Variants in VTA1 observed in about 807,000 individuals in gnomAD.
VTA1 encodes the protein vacuolar protein sorting-associated protein VTA1 homolog.
A neutral mutation model predicts 36.9 loss-of-function variants in VTA1; 24 were observed. The ratio of observed to expected loss-of-function variants is 0.65; its 90% CI spans 0.47 to 0.91. VTA1 has a LOEUF of 0.91. Among genes scored for constraint, VTA1 ranks in the 40% least tolerant of loss-of-function variants. The pLI is 0.00. For missense variants in VTA1, 393 were observed against 377.2 expected (o/e 1.04, Z -0.35); for synonymous variants, 142 against 130.2 (o/e 1.09, Z -0.62).
At chr6:142,159,579 T>C (rs1388728274) in intron 1 of VTA1, among the ~76,000 whole-genome samples, 1 of 150,378 alleles carries the variant, frequency 6.6e-6, no homozygotes, top group African/African-American at 2.4e-5. Flanking sequence ...AGTGATGCAA[T>C]CTCAGCTCAC....
chr6:142,162,286 T>C (rs573680425), intron 1 of VTA1, among the ~76,000 whole-genome samples: 117 of 152,328 alleles, frequency 7.7e-4, no homozygotes, highest in Non-Finnish European at 1.6e-3. Context: ...ATTTCTCTAC[T>C]GTCTAGGTTG....
chr6:142,184,133 C>G (rs1390818881), intron 4 of VTA1, among the ~76,000 whole-genome samples: 2 of 152,120 alleles, frequency 1.3e-5, no homozygotes, highest in African/African-American at 4.8e-5. Context: ...AAATAGTTTT[C>G]TTCGTAACTA....
intron 1 of VTA1, among the ~76,000 whole-genome samples, chr6:142,156,819 T>C (rs886084478): frequency 2.0e-5 from 3 of 152,320 alleles, no homozygotes; most frequent in African/African-American, 7.2e-5. Context: ...AAAATGTTAA[T>C]TTAGTGTAAA....
At position 142,203,994 on chromosome 6, in the gene VTA1, GTAA is replaced by G. The variant is rs1179235044; in HGVS notation, c.710_712del (p.Asn237del). 14 of 1,613,330 alleles carry G rather than the reference GTAA, an allele frequency of 8.7e-6. No homozygotes were observed. Among genetic ancestry groups the G allele is most frequent in the Non-Finnish European group, 1.1e-5 (13 of 1,179,536 alleles). ...CTTTTCTGATTTGCAGGTGTAGCAA[GTAA>G]TACTATCCAACCTACTCCACAGACT... On this transcript the variant is annotated inframe_deletion, in exon 7 of 8. Transcript: ENST00000367630.
intron 7 of VTA1, among the ~76,000 whole-genome samples, chr6:142,213,310 A>G (rs948687711): frequency 8.5e-5 from 13 of 152,172 alleles, no homozygotes; most frequent in Admixed American, 2.0e-4. Flanking sequence ...GGTCATGCCA[A>G]TGCAAGGGGT....
chr6:142,208,145 GCT>G (rs2114682836), intron 7 of VTA1, among the ~76,000 whole-genome samples: 1 of 149,452 alleles, frequency 6.7e-6, no homozygotes, highest in African/African-American at 2.5e-5. Flanking sequence ...CAGTTTGTGA[GCT>G]CTCTGACCAA....
chr6:142,196,180 G>C (rs1056706701), intron 5 of VTA1, among the ~76,000 whole-genome samples: 6 of 152,064 alleles, frequency 3.9e-5, no homozygotes, highest in Admixed American at 3.9e-4. Flanking sequence ...TGATGTTCCT[G>C]GTTACGAATT....
At chr6:142,207,846 G>A (rs1775824143) in intron 7 of VTA1, among the ~76,000 whole-genome samples, 2 of 152,094 alleles carry the variant, frequency 1.3e-5, no homozygotes, top group East Asian at 1.9e-4. Flanking sequence ...CACTTTAGGA[G>A]GCTGAGGTGG....
chr6:142,179,057 C>T (rs560047523), intron 4 of VTA1, among the ~76,000 whole-genome samples: 3 of 151,866 alleles, frequency 2.0e-5, no homozygotes, highest in African/African-American at 4.8e-5. Context: ...AATGTCTGTG[C>T]ACCTAATAAT....
At chr6:142,177,796 A>G (rs1775154932) in intron 4 of VTA1, among the ~76,000 whole-genome samples, 1 of 152,154 alleles carries the variant, frequency 6.6e-6, no homozygotes. Context: ...TGTTTAAACC[A>G]TGTTTTAATA....
intron 5 of VTA1, among the ~76,000 whole-genome samples, chr6:142,195,259 C>G (rs1347861973): frequency 2.0e-5 from 3 of 150,844 alleles, no homozygotes; most frequent in African/African-American, 4.8e-5. Flanking sequence ...TTCAATTTCC[C>G]CAATAGATTT....
chr6:142,208,588 A>G (rs922845001), intron 7 of VTA1, among the ~76,000 whole-genome samples: 12 of 152,162 alleles, frequency 7.9e-5, no homozygotes, highest in Non-Finnish European at 1.2e-4. Context: ...GTCTTTTAAC[A>G]CCGAACAGAT....
chr6:142,199,437 C>G (rs1212261441), intron 6 of VTA1, among the ~76,000 whole-genome samples: 1 of 152,062 alleles, frequency 6.6e-6, no homozygotes, highest in South Asian at 2.1e-4. Context: ...TCCCAGGTGA[C>G]TTATGGTACT....
At chr6:142,182,622 T>TC (rs1775263934) in intron 4 of VTA1, among the ~76,000 whole-genome samples, 1 of 152,142 alleles carries the variant, frequency 6.6e-6, no homozygotes, top group Non-Finnish European at 1.5e-5. Flanking sequence ...CAAAAATGAC[T>TC]CCAAGGGTTG....
At chr6:142,158,152 C>T (rs538918393) in intron 1 of VTA1, among the ~76,000 whole-genome samples, 6 of 151,238 alleles carry the variant, frequency 4.0e-5, no homozygotes, top group Non-Finnish European at 8.8e-5. Flanking sequence ...TATGGAGTTA[C>T]ATTTATTACA....
intron 1 of VTA1, among the ~76,000 whole-genome samples, chr6:142,152,109 A>ATT (rs35388230): frequency 6.8e-5 from 10 of 147,884 alleles, no homozygotes; most frequent in East Asian, 5.9e-4. Context: ...TGTTATTACT[A>ATT]TTTTTTTTTT....
intron 7 of VTA1, among the ~76,000 whole-genome samples, chr6:142,205,293 CT>C (rs973554874): frequency 1.3e-5 from 2 of 152,078 alleles, no homozygotes; most frequent in African/African-American, 4.8e-5. Context: ...TTTTTTCATT[CT>C]TTCTCTTCTC....
intron 1 of VTA1, among the ~76,000 whole-genome samples, chr6:142,149,807 G>A (rs1182453049): frequency 6.6e-6 from 1 of 152,016 alleles, no homozygotes; most frequent in Non-Finnish European, 1.5e-5. Context: ...TTCTACATCT[G>A]TAGATGGGTG....
chr6:142,215,249 T>C (rs1376614978), intron 7 of VTA1, among the ~76,000 whole-genome samples: 2 of 151,988 alleles, frequency 1.3e-5, no homozygotes, highest in Non-Finnish European at 2.9e-5. Context: ...CCATCTTGGC[T>C]AACACGGTGA....
Sources: gnomAD v4.1 joint callset for allele counts (sites outside exome capture counted in the v4.1 genomes callset) on GRCh38, gnomAD v4.1.1 for gene constraint, MANE v1.5 for transcripts, NCBI Gene and HGNC (gene_info 2026-07-23, HGNC 2026-07-21) for gene names.